DEFB125: variants seen among roughly 807,000 people sequenced by gnomAD.
DEFB125 encodes the protein defensin beta 125, also known as beta-defensin 125.
Under a neutral mutation model 11.8 loss-of-function variants are expected in DEFB125, and 11 were observed. The observed-to-expected ratio is 0.94, with a 90% confidence interval of 0.59 to 1.55. DEFB125 has a LOEUF of 1.55. Ranked by LOEUF, DEFB125 falls within the 40% of genes most tolerant of loss-of-function variation. The pLI is 0.00. For missense variants in DEFB125, 198 were observed against 191.2 expected, an observed-to-expected ratio of 1.04 and a Z score of -0.21; for synonymous variants, 79 against 66.7, an observed-to-expected ratio of 1.18 and a Z score of -0.90.
At chr20:89,925 G>T (rs1321785266) in intron 1 of DEFB125, among the ~76,000 whole-genome samples, 1 of 151,958 alleles carries the variant, frequency 6.6e-6, no homozygotes, top group Non-Finnish European at 1.5e-5. Context: ...TATAGGTTTT[G>T]TTTTGAAATT....
chr20:94,097 T>TA (rs11473611), intron 1 of DEFB125, among the ~76,000 whole-genome samples: 3 of 152,104 alleles, frequency 2.0e-5, no homozygotes, highest in South Asian at 2.1e-4. Flanking sequence ...GGTTTTTTTT[T>TA]AATAAAAACT....
intron 1 of DEFB125, among the ~76,000 whole-genome samples, chr20:93,345 C>T (rs1161918505): frequency 1.3e-5 from 2 of 152,128 alleles, no homozygotes; most frequent in Admixed American, 6.6e-5. Flanking sequence ...AAAGCTTTCC[C>T]TTAACCTTAC....
chr20:88,270 G>A (rs896930143), intron 1 of DEFB125, among the ~76,000 whole-genome samples: 3 of 152,098 alleles, frequency 2.0e-5, no homozygotes, highest in Non-Finnish European at 4.4e-5. Context: ...TATATGTTTG[G>A]GGTAGAAGTG....
intron 1 of DEFB125, among the ~76,000 whole-genome samples, chr20:93,205 G>A (rs989641686): frequency 6.6e-6 from 1 of 152,068 alleles, no homozygotes; most frequent in African/African-American, 2.4e-5. Context: ...CTGAACTCAG[G>A]TGATCTGCCC....
chr20:88,328 G>A (rs1270601302), intron 1 of DEFB125, among the ~76,000 whole-genome samples: 2 of 152,064 alleles, frequency 1.3e-5, no homozygotes, highest in East Asian at 1.9e-4. Flanking sequence ...GACCAATGGG[G>A]AGCTTCTAAT....
chr20:96,355 T>C lies in DEFB125; in HGVS notation c.409T>C (p.Ser137Pro), dbSNP rs1466881514. The change falls in exon 2 of 2, where the codon TCT (serine) becomes CCT (proline). Residue 137 changes from serine to proline, a missense_variant. Physicochemically the swap from Ser to Pro is moderately conservative, Grantham distance 74 (BLOSUM62 -1). Transcript: ENST00000382410. ...TACTCCCGAGACTACTATGCCACCATCTGAGACTGCTACTTCCGAGACTAT... is the reference window on the plus strand; with the variant it reads ...TACTCCCGAGACTACTATGCCACCACCTGAGACTGCTACTTCCGAGACTAT... ...ATTPETTMPP[S>P]ETATSETMPP... 8 of 1,613,296 alleles carry C rather than the reference T, an allele frequency of 5.0e-6. No homozygotes were observed. The highest frequency in any genetic ancestry group is 3.4e-6 in the Non-Finnish European group (4 of 1,179,300).
intron 1 of DEFB125, among the ~76,000 whole-genome samples, chr20:94,887 G>C (rs1037345750): frequency 2.0e-5 from 3 of 152,078 alleles, no homozygotes; most frequent in Admixed American, 2.0e-4. Flanking sequence ...TTCACATAAC[G>C]GAATGTAACA....
chr20:92,594 G>T (rs1008995479), intron 1 of DEFB125, among the ~76,000 whole-genome samples: 3 of 151,830 alleles, frequency 2.0e-5, no homozygotes, highest in Admixed American at 2.0e-4. Flanking sequence ...GTTTTCACCA[G>T]GTTGGCCAGG....
intron 1 of DEFB125, among the ~76,000 whole-genome samples, chr20:90,078 A>G (rs956508153): frequency 6.6e-6 from 1 of 152,198 alleles, no homozygotes; most frequent in Non-Finnish European, 1.5e-5. Flanking sequence ...CTAGCTGATT[A>G]TATATCTGGT....
rs1432792341 is a variant in DEFB125, at chr20:95,872, G to A, written c.59-133G>A. The A allele has an allele frequency of 3.8e-6, 3 of 792,594 alleles. No individual in the cohort carries two copies. In the East Asian group the frequency reaches 7.9e-5, roughly 21 times the overall value. The allele number at this position is 792,594 out of a possible 1,614,324, so 49.1% of individuals were successfully genotyped here. A position where few individuals can be genotyped will look rare whatever the true frequency, so the allele number is the denominator to read the frequency against. ...ATATACACTTTTTGTTCTCCTGTTT[G>A]TCTCTTACAATGGCTTTTTGTATTT... On this transcript the variant is annotated intron_variant, in intron 1 of 1. Transcript: ENST00000382410.
chr20:91,727 C>T (rs776402302), intron 1 of DEFB125, among the ~76,000 whole-genome samples: 13 of 151,924 alleles, frequency 8.6e-5, no homozygotes, highest in Non-Finnish European at 1.9e-4. Context: ...CAGAACAAGG[C>T]GATTCAAAGA....
At chr20:95,854 C>T (rs1358602290) in intron 1 of DEFB125, 151 bp from the exon 2 acceptor site, 2 of 673,462 alleles carry the variant, frequency 3.0e-6, no homozygotes, top group East Asian at 2.8e-5. Flanking sequence ...TTAATATACA[C>T]TTTTTGTTCT....
At chr20:93,368 CA>C (rs1369438348) in intron 1 of DEFB125, among the ~76,000 whole-genome samples, 2 of 152,168 alleles carry the variant, frequency 1.3e-5, no homozygotes, top group African/African-American at 4.8e-5. Flanking sequence ...TGCTCTCTAA[CA>C]AGTTATTTAT....
chr20:94,346 T>C (rs2054507006), intron 1 of DEFB125, among the ~76,000 whole-genome samples: 1 of 152,174 alleles, frequency 6.6e-6, no homozygotes, highest in African/African-American at 2.4e-5. Context: ...TACAGTGCTA[T>C]AGAACAGTGG....
At position 89,359 on chromosome 20, in the gene DEFB125, A is replaced by G. The variant is rs1256622839; in HGVS notation, c.58+1592A>G. Among the ~76,000 whole-genome samples, 4 of 152,266 alleles carry G rather than the reference A, an allele frequency of 2.6e-5. No individual in the cohort carries two copies. The East Asian group carries it at 7.7e-4, about 29-fold the overall frequency. ...TTTGGAAATTTTGAAATTGTAAAGA[A>G]GTAAAAAAATTGTAAAGAAGTTAAA... is the stretch of plus-strand genomic sequence containing the variant. On this transcript the variant is annotated intron_variant, in intron 1 of 1. Transcript: ENST00000382410.
At chr20:91,196 T>C (rs1051885464) in intron 1 of DEFB125, among the ~76,000 whole-genome samples, 4 of 152,204 alleles carry the variant, frequency 2.6e-5, no homozygotes, top group Admixed American at 2.0e-4. Context: ...TATATTAATA[T>C]ACTTTTTGTT....
intron 1 of DEFB125, among the ~76,000 whole-genome samples, chr20:94,351 C>G (rs1393668974): frequency 6.6e-6 from 1 of 152,088 alleles, no homozygotes; most frequent in Non-Finnish European, 1.5e-5. Context: ...TGCTATAGAA[C>G]AGTGGACCCC....
chr20:91,824 G>A (rs748024886), intron 1 of DEFB125, among the ~76,000 whole-genome samples: 2 of 152,234 alleles, frequency 1.3e-5, no homozygotes, highest in Non-Finnish European at 2.9e-5. Context: ...CTTTGTAGAT[G>A]TGAGGAACGA....
intron 1 of DEFB125, among the ~76,000 whole-genome samples, chr20:92,395 CT>C (rs11483976): frequency 2.6e-3 from 351 of 137,460 alleles, no homozygotes; most frequent in Admixed American, 3.1e-3. Flanking sequence ...AACCTTCCTT[CT>C]TTTTTTTTTT....
Sources: gnomAD v4.1 joint callset for allele counts (sites outside exome capture counted in the v4.1 genomes callset) on GRCh38, gnomAD v4.1.1 for gene constraint, MANE v1.5 for transcripts, NCBI Gene and HGNC (gene_info 2026-07-23, HGNC 2026-07-21) for gene names.